BCL9: variants seen among roughly 807,000 people sequenced by gnomAD.
The protein encoded by BCL9 is BCL9 transcription coactivator, also known as B-cell CLL/lymphoma 9 protein.
In BCL9, 25 loss-of-function variants were observed where a neutral mutation model predicts 88.5. The observed-to-expected ratio is 0.28, with a 90% CI of 0.21 to 0.39. The LOEUF (loss-of-function observed/expected upper bound fraction) is 0.39, where lower values mean the gene tolerates loss of function less well. Among genes scored for constraint, BCL9 ranks in the 10% least tolerant of loss-of-function variants. BCL9 has a pLI of 1.00. For synonymous variants in BCL9, 711 were observed against 673.3 expected (o/e 1.06, Z -0.87); for missense variants, 1,817 against 1,877.8 (o/e 0.97, Z 0.60).
chr1:147,611,580 T>C lies in BCL9; in HGVS notation c.-257T>C, dbSNP rs1658005142. The C allele has an allele frequency of 3.8e-6, 2 of 520,762 alleles. No homozygotes were observed. The highest frequency in any genetic ancestry group is 6.9e-6 in the Non-Finnish European group (2 of 289,064). The allele number at this position is 520,762 out of a possible 1,614,324, so 32.3% of individuals were successfully genotyped here. A position where few individuals can be genotyped will look rare whatever the true frequency, so the allele number is the denominator to read the frequency against. ...TTTTGGGTGGCCTTTTCCTGTAGTA[T>C]GCCCTGGAGATGCGAGATTTTCCTC... On this transcript the variant is annotated splice_region_variant and 5_prime_UTR_variant, in exon 4 of 10. The change abolishes an upstream ATG in the 5' untranslated region. Coordinates refer to ENST00000234739, the MANE Select transcript of BCL9 (RefSeq NM_004326.4).
chr1:147,615,399 C>A (rs1477676463), intron 6 of BCL9, among the ~76,000 whole-genome samples: 7 of 152,052 alleles, frequency 4.6e-5, no homozygotes, highest in Admixed American at 3.9e-4. Context: ...GGTTTTCTGA[C>A]TTTTTTTCCA....
intron 3 of BCL9, among the ~76,000 whole-genome samples, chr1:147,610,700 G>A (rs115245756): frequency 9.3e-4 from 142 of 152,340 alleles, no homozygotes; most frequent in African/African-American, 3.3e-3. Flanking sequence ...TACCCTGGGA[G>A]GGAGCAGAGA....
At chr1:147,585,648 G>A (rs1038896840) in intron 1 of BCL9, among the ~76,000 whole-genome samples, 3 of 152,032 alleles carry the variant, frequency 2.0e-5, no homozygotes, top group African/African-American at 4.8e-5. Context: ...AGTTAGTACC[G>A]GTTAACTACA....
At chr1:147,616,270 G>GA (rs1240903625) in intron 7 of BCL9, among the ~76,000 whole-genome samples, 1 of 152,036 alleles carries the variant, frequency 6.6e-6, no homozygotes, top group Non-Finnish European at 1.5e-5. Flanking sequence ...AGAAAGAACA[G>GA]AAAAAAAGCA....
At chr1:147,582,277 C>T (rs782175482) in intron 1 of BCL9, among the ~76,000 whole-genome samples, 2 of 152,336 alleles carry the variant, frequency 1.3e-5, no homozygotes, top group East Asian at 3.9e-4. Flanking sequence ...TTAACCATTC[C>T]TATTCTGCTC....
intron 1 of BCL9, among the ~76,000 whole-genome samples, chr1:147,555,726 G>A (rs1241422962): frequency 6.6e-6 from 1 of 152,208 alleles, no homozygotes; most frequent in Non-Finnish European, 1.5e-5. Context: ...GTTCTTTAAA[G>A]TGGAGCAAGA....
At chr1:147,547,655 G>T (rs1260630079) in intron 1 of BCL9, among the ~76,000 whole-genome samples, 1 of 152,124 alleles carries the variant, frequency 6.6e-6, no homozygotes, top group Non-Finnish European at 1.5e-5. Flanking sequence ...ATTCTGGGTT[G>T]CTTAAAATTC....
chr1:147,603,227 T>C (rs1366003904), intron 1 of BCL9, among the ~76,000 whole-genome samples: 8 of 152,212 alleles, frequency 5.3e-5, no homozygotes, highest in Admixed American at 5.2e-4. Flanking sequence ...TTTTGTTTTA[T>C]ATTAGTTTTG....
Position 147,619,690 on chromosome 1 carries a change from G to T in BCL9, c.1535G>T (p.Arg512Leu). The change falls in exon 8 of 10, where the codon CGA (arginine) becomes CTA (leucine). Residue 512 changes from arginine (R) to leucine (L), a missense_variant. This residue lies in a region of BCL9 where 1,228 missense variants were observed against 1,191.6 expected (regional missense o/e 1.03). Coordinates refer to ENST00000234739, the MANE Select transcript of BCL9 (RefSeq NM_004326.4). This position sits in a 1 kb window ranked among gnomAD's most constrained non-coding sequence, Gnocchi z 4.1. ...CAGCACGGGCCTCGGGGAGTGGTCC[G>T]AGGACCCCCCCCTCCATACCAGATG... ...VHQHGPRGVV[R>L]GPPPPYQMTP... 2.5e-6 allele frequency: 4 copies of T among 1,613,980 alleles called. No individual in the cohort carries two copies. Among genetic ancestry groups the T allele is most frequent in the Non-Finnish European group, 3.4e-6 (4 of 1,180,018 alleles).
chr1:147,555,150 C>A (rs1435793673), intron 1 of BCL9, among the ~76,000 whole-genome samples: 1 of 152,122 alleles, frequency 6.6e-6, no homozygotes, highest in Non-Finnish European at 1.5e-5. Context: ...CTTTCAGATG[C>A]AGACCCCGAG....
In BCL9 at chr1:147,619,652, C is replaced by T; in HGVS notation, c.1497C>T (p.Asp499=). 2 of 1,614,110 alleles carry T rather than the reference C, an allele frequency of 1.2e-6. No homozygotes were observed. Among genetic ancestry groups the T allele is most frequent in the Non-Finnish European group, 1.7e-6 (2 of 1,180,030 alleles). Residue 499 remains aspartate, a synonymous_variant, in exon 8 of 10, where the codon GAC becomes GAT. Transcript: ENST00000234739. The surrounding 1 kb of genome is among the most constrained non-coding windows in gnomAD (Gnocchi z 4.1). ...TTGTCCAGCAGTGTTCCCTCCAGGA[C>T]ATGATGGTCCATCAGCACGGGCCTC... ...QVVVQQCSLQ[D]MMVHQHGPRG... is the part of the protein sequence containing the mutation.
intron 3 of BCL9, among the ~76,000 whole-genome samples, chr1:147,611,185 A>G (rs1553202557): frequency 6.6e-6 from 1 of 152,202 alleles, no homozygotes. Context: ...GATAGTCACT[A>G]TGGATCTGCG....
chr1:147,567,872 T>C (rs587720208), intron 1 of BCL9, among the ~76,000 whole-genome samples: 20 of 152,342 alleles, frequency 1.3e-4, no homozygotes, highest in South Asian at 2.1e-4. Context: ...CCAGCAGGTC[T>C]GACTGCCTTT....
At chr1:147,572,094 T>C (rs1242305202) in intron 1 of BCL9, among the ~76,000 whole-genome samples, 3 of 110,172 alleles carry the variant, frequency 2.7e-5, no homozygotes, top group African/African-American at 1.1e-4. Context: ...AAAAAAAAAT[T>C]AGCTGGACGT....
chr1:147,591,814 A>G (rs1357824176), intron 1 of BCL9, among the ~76,000 whole-genome samples: 1 of 152,144 alleles, frequency 6.6e-6, no homozygotes, highest in Non-Finnish European at 1.5e-5. Flanking sequence ...GATTCTAATC[A>G]TTGCTTCCCG....
In BCL9 at chr1:147,624,042, C is replaced by A. The variant is rs147074215; in HGVS notation, c.3364C>A (p.His1122Asn). The A allele has an allele frequency of 1.1e-5, 17 of 1,613,976 alleles. No individual in the cohort carries two copies. Among genetic ancestry groups the A allele is most frequent in the Non-Finnish European group, 1.4e-5 (16 of 1,179,986 alleles). The change falls in exon 10 of 10, where the codon CAT (histidine) becomes AAT (asparagine). Residue 1122 changes from histidine to asparagine, a missense_variant. Coordinates refer to ENST00000234739, the MANE Select transcript of BCL9 (RefSeq NM_004326.4). This position sits in a 1 kb window ranked among gnomAD's most constrained non-coding sequence, Gnocchi z 4.4. ...GATGTCACACAATCCTATCATGGGG[C>A]ATGGGTCCCAGGAGCCACCGATGGT... ...GLMSHNPIMG[H>N]GSQEPPMVPQ...
intron 1 of BCL9, among the ~76,000 whole-genome samples, chr1:147,585,936 C>T (rs1443001652): frequency 6.6e-6 from 1 of 152,092 alleles, no homozygotes; most frequent in Non-Finnish European, 1.5e-5. Context: ...TTAGGGGATC[C>T]TCAACAAAAT....
intron 1 of BCL9, among the ~76,000 whole-genome samples, chr1:147,567,602 T>A (rs1247590300): frequency 1.3e-5 from 2 of 152,106 alleles, no homozygotes; most frequent in East Asian, 3.9e-4. Context: ...TGGCACAAAA[T>A]TCAATATCTT....
chr1:147,625,094 A>AG lies in BCL9; in HGVS notation c.*141dup. On this transcript the variant is annotated 3_prime_UTR_variant, in exon 10 of 10. Transcript: ENST00000234739. Reference sequence around the variant, plus strand: ...AGAGACCCGAGGGCTGCTTTGGGGGAGGGGGGAACTCGAGAATGTATGGAT... The same window carrying AG: ...AGAGACCCGAGGGCTGCTTTGGGGGAGGGGGGGAACTCGAGAATGTATGGAT... 7.4e-6 allele frequency: 8 copies of AG among 1,081,012 alleles called. No homozygotes were observed. The highest frequency in any genetic ancestry group is 7.6e-6 in the Non-Finnish European group (6 of 789,900). The allele number at this position is 1,081,012 out of a possible 1,614,324, so 67.0% of individuals were successfully genotyped here. A position where few individuals can be genotyped will look rare whatever the true frequency, so the allele number is the denominator to read the frequency against.
Sources: allele counts gnomAD v4.1 joint callset (sites outside exome capture counted in the v4.1 genomes callset), GRCh38; gene constraint gnomAD v4.1.1; regional missense constraint gnomAD v4.1.1; non-coding constraint Gnocchi (gnomAD v3.1); transcripts MANE v1.5; gene names NCBI Gene and HGNC (gene_info 2026-07-23, HGNC 2026-07-21).